Variants in ZNF682 observed in about 807,000 individuals in gnomAD.
ZNF682 encodes zinc finger protein 682.
ZNF682 carries 29 observed loss-of-function variants against 36.5 expected under a neutral mutation model. The observed-to-expected ratio is 0.80, with a 90% CI of 0.59 to 1.08. The LOEUF (loss-of-function observed/expected upper bound fraction) is 1.08. ZNF682 is among the 50% of genes least tolerant of loss of function. ZNF682 has a pLI of 0.00. For synonymous variants in ZNF682, 180 were observed against 197.0 expected (o/e 0.91, Z 0.72); for missense variants, 561 against 579.7 (o/e 0.97, Z 0.33).
chr19:20,028,861 G>A (rs1046881692), intron 1 of ZNF682, among the ~76,000 whole-genome samples: 6 of 152,152 alleles, frequency 3.9e-5, no homozygotes, highest in Admixed American at 6.5e-5. Flanking sequence ...GTGCTGGGAA[G>A]ATGACATAAT....
downstream of ZNF682, among the ~76,000 whole-genome samples, chr19:19,999,421 T>G (rs201695749): frequency 2.7e-5 from 1 of 37,522 alleles, no homozygotes; most frequent in East Asian, 2.2e-3. Context: ...GCTTAAGAGA[T>G]TTTTTAAAAA....
At chr19:19,997,605 A>G (rs796218197) in intron 3 of ZNF682, among the ~76,000 whole-genome samples, 4 of 152,262 alleles carry the variant, frequency 2.6e-5, no homozygotes, top group Middle Eastern at 3.4e-3. Flanking sequence ...TGTTCTTGAG[A>G]TGATCATTTG....
At chr19:20,014,547 G>A (rs939437565) in intron 3 of ZNF682, among the ~76,000 whole-genome samples, 1 of 151,826 alleles carries the variant, frequency 6.6e-6, no homozygotes, top group Non-Finnish European at 1.5e-5. Context: ...CCAGGTGGGC[G>A]GATCATGAAG....
downstream of ZNF682, among the ~76,000 whole-genome samples, chr19:20,003,121 G>A (rs902705547): frequency 1.4e-4 from 20 of 146,938 alleles, no homozygotes; most frequent in African/African-American, 5.0e-4. Context: ...CACCCGGGAG[G>A]CGGAGCTTGC....
At chr19:20,011,994 G>A (rs779917580) in intron 3 of ZNF682, among the ~76,000 whole-genome samples, 8 of 151,698 alleles carry the variant, frequency 5.3e-5, no homozygotes, top group South Asian at 2.1e-4. Context: ...CGGAGATTGC[G>A]CCACTGCACT....
At chr19:20,026,171 T>C (rs8182568) in intron 1 of ZNF682, among the ~76,000 whole-genome samples, 119,110 of 151,442 alleles carry the variant, frequency 0.79, 46,954 homozygotes, top group Middle Eastern at 0.88. Context: ...GGTGTGGTGG[T>C]GGGCGCCTGT....
chr19:20,039,153 G>A, intron 1 of ZNF682, 190 bp downstream of exon 1: 2 of 1,398,152 alleles, frequency 1.4e-6, no homozygotes, highest in East Asian at 2.6e-5. Context: ...GCCCGCCCAG[G>A]GTCCCGGCTG....
downstream of ZNF682, among the ~76,000 whole-genome samples, chr19:19,996,800 C>T (rs542013266): frequency 8.5e-5 from 13 of 152,158 alleles, no homozygotes; most frequent in Admixed American, 5.9e-4. Context: ...AAACACCACC[C>T]GTTCCCCTAA....
At chr19:20,039,092 G>C in intron 1 of ZNF682, 7 of 1,342,334 alleles carry the variant, frequency 5.2e-6, no homozygotes, top group Admixed American at 6.0e-5. Context: ...GAACGCGCGC[G>C]GCTCTTCCCA....
chr19:20,036,286 C>T (rs533507892), intron 1 of ZNF682, among the ~76,000 whole-genome samples: 1 of 151,916 alleles, frequency 6.6e-6, no homozygotes, highest in Non-Finnish European at 1.5e-5. Context: ...TATCTGTGAC[C>T]CTTTAGCTTT....
At chr19:20,015,878 G>A (rs1316841096) in intron 3 of ZNF682, 2 of 397,656 alleles carry the variant, frequency 5.0e-6, no homozygotes, top group Non-Finnish European at 8.9e-6. Flanking sequence ...ATCTTTTACT[G>A]TAAGAACAAT....
intron 3 of ZNF682, among the ~76,000 whole-genome samples, chr19:20,008,718 T>G (rs1283217377): frequency 1.3e-5 from 2 of 152,260 alleles, no homozygotes; most frequent in East Asian, 3.9e-4. Context: ...TTGGGTGCAG[T>G]GCCAGCAGTT....
chr19:20,003,521 G>A (rs572985672), downstream of ZNF682, among the ~76,000 whole-genome samples: 12 of 151,922 alleles, frequency 7.9e-5, no homozygotes, highest in Admixed American at 2.6e-4. Context: ...AGGCTAACAT[G>A]GTGAAACCCC....
rs773296287 is a variant in ZNF682 at position 20,006,565 on chromosome 19, AG to A, written c.936del (p.Tyr313ThrfsTer49). 1 of 1,614,100 alleles carries A rather than the reference AG, an allele frequency of 6.2e-7. No homozygotes were observed. ...GCTTTCCCACATTCTTTACATTTGT[AG>A]GGTTTCTTTCCAGTGTGAATTGTCT... The part of the protein sequence containing the change: ...KHKTIHTGKK[P>X]YKCKECGKAF... On this transcript the variant is annotated frameshift_variant, in exon 4 of 4. Transcript: ENST00000397165. LOFTEE classifies it high-confidence loss of function.
At chr19:20,034,124 AG>A (rs1158620194) in intron 1 of ZNF682, 1 of 152,784 alleles carries the variant, frequency 6.5e-6, no homozygotes, top group Non-Finnish European at 1.5e-5. Flanking sequence ...TAAGTGAGCA[AG>A]AAAAAATTCC....
At position 20,017,299 on chromosome 19, in the gene ZNF682, C is replaced by A. The variant is rs374609305; in HGVS notation, c.226+5705G>T. Among the ~76,000 whole-genome samples, 57 of 152,258 alleles carry A rather than the reference C, an allele frequency of 3.7e-4. 1 individual carries two copies. The Middle Eastern group carries it at 0.01, about 27-fold the overall frequency. ...TGAATGAGTTAAAAACAAAATCTTA[C>A]AATATGCGTCTTTAGGGGACTCATT... is the stretch of plus-strand genomic sequence containing the variant. On this transcript the variant is annotated intron_variant, in intron 3 of 3. Transcript: ENST00000397165.
chr19:20,023,740 G>T (rs981012998), intron 2 of ZNF682, among the ~76,000 whole-genome samples: 1 of 151,782 alleles, frequency 6.6e-6, no homozygotes, highest in Non-Finnish European at 1.5e-5. Flanking sequence ...CCAACACTTC[G>T]GGAGGCCAAG....
chr19:20,003,028 A>G (rs1392770813), downstream of ZNF682, among the ~76,000 whole-genome samples: 1 of 151,518 alleles, frequency 6.6e-6, no homozygotes, highest in Non-Finnish European at 1.5e-5. Context: ...GTCTCTACTA[A>G]AAATACAAAA....
At chr19:20,023,953 C>T (rs2088409693) in intron 2 of ZNF682, among the ~76,000 whole-genome samples, 1 of 151,732 alleles carries the variant, frequency 6.6e-6, no homozygotes, top group Non-Finnish European at 1.5e-5. Flanking sequence ...TGCACTCAAG[C>T]CTGGGCAACA....
Sources: gnomAD v4.1 joint callset for allele counts (sites outside exome capture counted in the v4.1 genomes callset) on GRCh38, gnomAD v4.1.1 for gene constraint, MANE v1.5 for transcripts, NCBI Gene and HGNC (gene_info 2026-07-23, HGNC 2026-07-21) for gene names.